Variants in MAGEB2 observed in about 807,000 individuals in gnomAD.
MAGEB2 encodes melanoma-associated antigen B2.
For missense variants in MAGEB2, 365 were observed against 243.2 expected (o/e 1.50, Z -3.33); for synonymous variants, 107 against 96.2 (o/e 1.11, Z -0.66).
intron 1 of MAGEB2, 137 bp from the exon 2 acceptor site, chrX:30,218,439 G>A (rs1924457817): frequency 7.6e-6 from 7 of 915,288 alleles, no homozygotes; most frequent in Admixed American, 3.9e-5. Context: ...GTGCCTTCAG[G>A]GAAACTTGCA....
rs1240973919 is a variant in MAGEB2 at position 30,219,433 on chromosome X, A to C, written c.853A>C (p.Lys285Gln). ...TCCGAGAGCCTATGCTGAAACCAGC[A>C]AGATGAAAGTCCTGGAGTTTTTGGC... ...WGPRAYAETS[K>Q]MKVLEFLAKV... Residue 285 changes from lysine (K) to glutamine (Q), a missense_variant, in exon 2 of 2, where the codon AAG becomes CAG. Lys to Gln is a moderately conservative substitution (Grantham distance 53). Coordinates refer to ENST00000378988, the MANE Select transcript of MAGEB2 (RefSeq NM_002364.5). 3.3e-6 allele frequency: 4 copies of C among 1,210,172 alleles called. No homozygotes were observed. The highest frequency in any genetic ancestry group is 4.5e-6 in the Non-Finnish European group (4 of 895,078).
rs1297986500 is a variant in MAGEB2, at chrX:30,219,826, TTTTG to T, written c.*290_*293del. On this transcript the variant is annotated 3_prime_UTR_variant, in exon 2 of 2. Coordinates refer to ENST00000378988, the MANE Select transcript of MAGEB2 (RefSeq NM_002364.5). ...TGTTTTTCAGGGACAGTAGAAAGTG[TTTTG>T]TTTTTTGAGTGAAACAACTTATTAA... 3.8e-5 allele frequency: 8 copies of T among 213,157 alleles called. No homozygotes were observed. 17.6% of individuals were successfully genotyped at this position (213,157 alleles called of 1,213,427 possible). A position where few individuals can be genotyped will look rare whatever the true frequency, so the allele number is the denominator to read the frequency against.
chrX:30,217,900 A>G (rs1054755486), intron 1 of MAGEB2, among the ~76,000 whole-genome samples: 2 of 112,328 alleles, frequency 1.8e-5, no homozygotes, highest in Admixed American at 1.9e-4. Context: ...GGAAAGGGTT[A>G]TCAGGTTTAG....
chrX:30,216,295 A>G (rs192775007), intron 1 of MAGEB2, among the ~76,000 whole-genome samples: 256 of 111,545 alleles, frequency 2.3e-3, no homozygotes, highest in Non-Finnish European at 3.0e-3. Flanking sequence ...GCTGCCAGCA[A>G]TAGGAAGGTC....
chrX:30,219,322 A>T lies in MAGEB2; in HGVS notation c.742A>T (p.Ile248Phe). 1 of 1,209,959 alleles carries T rather than the reference A, an allele frequency of 8.3e-7. No homozygotes were observed. The highest frequency in any genetic ancestry group is 1.8e-5 in the South Asian group (1 of 56,919). Residue 248 changes from isoleucine to phenylalanine, a missense_variant, in exon 2 of 2, where the codon ATC becomes TTC. By Grantham distance (21) the Ile-to-Phe change is conservative (BLOSUM62 0). Coordinates refer to ENST00000378988, the MANE Select transcript of MAGEB2 (RefSeq NM_002364.5). ...AGTCTTTGGGGAACCCTGGAAGCTCATCACCAAAGATCTGGTGCAGGAAAA... is the reference window on the plus strand; with the variant it reads ...AGTCTTTGGGGAACCCTGGAAGCTCTTCACCAAAGATCTGGTGCAGGAAAA... ...HSVFGEPWKL[I>F]TKDLVQEKYL...
At position 30,216,885 on chromosome X, in the gene MAGEB2, T is replaced by TAAAAAAA. The variant is rs1278361862; in HGVS notation, c.-6+1230_-6+1231insAAAAAAA. On this transcript the variant is annotated intron_variant, in intron 1 of 1. Coordinates refer to ENST00000378988, the MANE Select transcript of MAGEB2 (RefSeq NM_002364.5). The stretch of plus-strand genomic sequence containing the variant: ...AGGCGAAAGGGCGAGACTCCGTCTC[T>TAAAAAAA]TAAAAAAAAAAAAAAAAAAGGCAGC... Among the ~76,000 whole-genome samples, 108 of 89,307 alleles carry TAAAAAAA rather than the reference T, an allele frequency of 1.2e-3. 10 individuals are homozygous for TAAAAAAA. The highest frequency in any genetic ancestry group is 0.011 in the Middle Eastern group (2 of 176). The allele number at this position is 89,307 out of a possible 115,157, so 77.6% of individuals were successfully genotyped here. A position where few individuals can be genotyped will look rare whatever the true frequency, so the allele number is the denominator to read the frequency against.
At chrX:30,217,342 T>C (rs780679837) in intron 1 of MAGEB2, among the ~76,000 whole-genome samples, 7 of 111,591 alleles carry the variant, frequency 6.3e-5, no homozygotes, top group Non-Finnish European at 3.8e-5. Context: ...ACATGTTACA[T>C]GGCCAGAGCA....
intron 1 of MAGEB2, among the ~76,000 whole-genome samples, chrX:30,216,575 C>T (rs147559118): frequency 0.03 from 3,286 of 111,383 alleles, 58 homozygotes; most frequent in Admixed American, 0.057. Context: ...GAGAAGTGAA[C>T]GACCCCATTA....
At position 30,218,594 on chromosome X, in the gene MAGEB2, A is replaced by G. The variant is rs759031616; in HGVS notation, c.14A>G (p.Gln5Arg). 1.7e-5 allele frequency: 21 copies of G among 1,203,967 alleles called. No individual in the cohort carries two copies. Among genetic ancestry groups the G allele is most frequent in the Admixed American group, 4.4e-5 (2 of 44,996 alleles). The change falls in exon 2 of 2, where the codon CAG becomes CGG. Residue 5 changes from glutamine to arginine, a missense_variant. Transcript: ENST00000378988. ...TACCCAGCCATCATGCCTCGTGGTC[A>G]GAAGAGTAAGCTCCGTGCCCGTGAG... MPRG[Q>R]KSKLRAREKR...
In MAGEB2 at chrX:30,218,544, A is replaced by G; in HGVS notation, c.-5-32A>G. 4 of 1,174,312 alleles carry G rather than the reference A, an allele frequency of 3.4e-6. No individual in the cohort carries two copies. In the South Asian group the frequency reaches 7.9e-5, roughly 23 times the overall value. ...CCATCTCCAGGTATACTAACCATCT[A>G]TTCTTCTGCCCACATTTCTTGGTTT... On this transcript the variant is annotated intron_variant, in intron 1 of 1. Coordinates refer to ENST00000378988, the MANE Select transcript of MAGEB2 (RefSeq NM_002364.5).
At position 30,219,599 on chromosome X, in the gene MAGEB2, A is replaced by G; in HGVS notation, c.*59A>G. On this transcript the variant is annotated 3_prime_UTR_variant, in exon 2 of 2. Transcript: ENST00000378988. ...ATAGCCAATCAATCTCCCAAAGCCA[A>G]GTTTACCTGCTGTTCTCACCCCCAA... is the stretch of plus-strand genomic sequence containing the variant. 1 of 1,044,405 alleles carries G rather than the reference A, an allele frequency of 9.6e-7. No homozygotes were observed. The highest frequency in any genetic ancestry group is 1.3e-6 in the Non-Finnish European group (1 of 772,487). The allele number at this position is 1,044,405 out of a possible 1,213,427, so 86.1% of individuals were successfully genotyped here. A position where few individuals can be genotyped will look rare whatever the true frequency, so the allele number is the denominator to read the frequency against.
chrX:30,219,026 TC>T lies in MAGEB2; in HGVS notation c.449del (p.Pro150LeufsTer19). 8.3e-7 allele frequency: 1 copy of T among 1,210,901 alleles called. No homozygotes were observed. Among genetic ancestry groups the T allele is most frequent in the Non-Finnish European group, 1.1e-6 (1 of 895,084 alleles). On this transcript the variant is annotated frameshift_variant, in exon 2 of 2. Coordinates refer to ENST00000378988, the MANE Select transcript of MAGEB2 (RefSeq NM_002364.5). LOFTEE classifies it low-confidence loss of function (END_TRUNC). Reference sequence around the variant, plus strand: ...GTTGGCAAAAGGTTCAGGGAGCACTTCCCTGAGATCCTCAAGAAAGCCTCTG... The same window carrying T: ...GTTGGCAAAAGGTTCAGGGAGCACTTCCTGAGATCCTCAAGAAAGCCTCTG... Reference protein sequence around the residue: ...KIVGKRFREHFPEILKKASEG... With the variant: ...KIVGKRFREHXPEILKKASEG...
At position 30,216,526 on chromosome X, in the gene MAGEB2, G is replaced by C. The variant is rs145075830; in HGVS notation, c.-6+871G>C. On this transcript the variant is annotated intron_variant, in intron 1 of 1. Transcript: ENST00000378988. ...TGTCAGACCAGGGAGACCTGAGCAT[G>C]GCATGTTGAGTTGTACTCACTCTCC... Among the ~76,000 whole-genome samples the C allele has an allele frequency of 1.1e-3, 126 of 111,375 alleles. 2 individuals are homozygous for C. Among genetic ancestry groups the C allele is most frequent in the East Asian group, 6.0e-3 (21 of 3,525 alleles).
At chrX:30,218,440 GA>G (rs1924458044) in intron 1 of MAGEB2, 135 bp from the exon 2 acceptor site, 1 of 926,486 alleles carries the variant, frequency 1.1e-6, no homozygotes, top group Non-Finnish European at 1.5e-6. Flanking sequence ...TGCCTTCAGG[GA>G]AACTTGCAAA....
At chrX:30,217,910 G>T (rs1195692849) in intron 1 of MAGEB2, among the ~76,000 whole-genome samples, 1 of 112,212 alleles carries the variant, frequency 8.9e-6, no homozygotes, top group Non-Finnish European at 1.9e-5. Flanking sequence ...ATCAGGTTTA[G>T]TGTCCCCCTC....
At position 30,219,755 on chromosome X, in the gene MAGEB2, A is replaced by G; in HGVS notation, c.*215A>G. ...CTAGTGTTTCAACAGGTTTATTTAG[A>G]TTCAGAATGTAAATTTACAAATGAT... On this transcript the variant is annotated 3_prime_UTR_variant, in exon 2 of 2. Transcript: ENST00000378988. 1 of 326,443 alleles carries G rather than the reference A, an allele frequency of 3.1e-6. No individual in the cohort carries two copies. Among genetic ancestry groups the G allele is most frequent in the Non-Finnish European group, 5.5e-6 (1 of 182,241 alleles). The allele number at this position is 326,443 out of a possible 1,213,427, so 26.9% of individuals were successfully genotyped here.
At position 30,219,090 on chromosome X, in the gene MAGEB2, A is replaced by T; in HGVS notation, c.510A>T (p.Lys170Asn). 8.3e-7 allele frequency: 1 copy of T among 1,210,399 alleles called. No homozygotes were observed. Among genetic ancestry groups the T allele is most frequent in the Non-Finnish European group, 1.1e-6 (1 of 894,675 alleles). The change falls in exon 2 of 2, where the codon AAA becomes AAT. Residue 170 changes from lysine to asparagine, a missense_variant. By Grantham distance (94) the Lys-to-Asn change is moderately conservative. Transcript: ENST00000378988. ...TTGTCTTTGGCCTTGAGCTGAATAA[A>T]GTCAACCCCAACGGCCACACTTACA... ...LSVVFGLELN[K>N]VNPNGHTYTF... is the part of the protein sequence containing the mutation.
At position 30,219,448 on chromosome X, in the gene MAGEB2, G is replaced by A. The variant is rs1350615502; in HGVS notation, c.868G>A (p.Glu290Lys). The A allele has an allele frequency of 8.3e-7, 1 of 1,211,533 alleles. No homozygotes were observed. Among genetic ancestry groups the A allele is most frequent in the Non-Finnish European group, 1.1e-6 (1 of 895,142 alleles). ...TGAAACCAGCAAGATGAAAGTCCTG[G>A]AGTTTTTGGCCAAGGTAAATGGTAC... ...YAETSKMKVL[E>K]FLAKVNGTTP... The change falls in exon 2 of 2, where the codon GAG becomes AAG. Residue 290 changes from glutamate (E) to lysine (K), a missense_variant. Transcript: ENST00000378988.
chrX:30,216,885 T>TAA (rs1278361862), intron 1 of MAGEB2, among the ~76,000 whole-genome samples: 11,229 of 89,103 alleles, frequency 0.13, 1,107 homozygotes, highest in African/African-American at 0.23. Context: ...ACTCCGTCTC[T>TAA]TAAAAAAAAA....
Sources: allele counts gnomAD v4.1 joint callset (sites outside exome capture counted in the v4.1 genomes callset), GRCh38; gene constraint gnomAD v4.1.1; transcripts MANE v1.5; gene names NCBI Gene and HGNC (gene_info 2026-07-23, HGNC 2026-07-21).